Variants in NALF1 observed in about 807,000 individuals in gnomAD.
The protein encoded by NALF1 is NALCN channel auxiliary factor 1.
A neutral mutation model predicts 48.4 loss-of-function variants in NALF1; 3 were observed. The ratio of observed to expected loss-of-function variants is 0.06; its 90% CI spans 0.03 to 0.16. NALF1 has a LOEUF of 0.16. Ranked by LOEUF, NALF1 falls within the 10% of genes least tolerant of loss-of-function variation. The probability of loss-of-function intolerance (pLI) is 1.00; values close to 1 mark genes in which losing one functional copy is unlikely to be tolerated. For synonymous variants in NALF1, 262 were observed against 245.7 expected, an observed-to-expected ratio of 1.07 and a Z score of -0.62; for missense variants, 526 against 571.5, an observed-to-expected ratio of 0.92 and a Z score of 0.81.
At chr13:107,614,625 C>A (rs1431729865) in intron 1 of NALF1, among the ~76,000 whole-genome samples, 1 of 152,118 alleles carries the variant, frequency 6.6e-6, no homozygotes, top group African/African-American at 2.4e-5. Flanking sequence ...AACAAATATA[C>A]CAACTATTCT....
chr13:107,775,054 ATTCT>A (rs1877685495), intron 1 of NALF1, among the ~76,000 whole-genome samples: 2 of 152,180 alleles, frequency 1.3e-5, no homozygotes, highest in African/African-American at 4.8e-5. Flanking sequence ...TATTTCATGT[ATTCT>A]TTATTTTTAA....
chr13:107,290,687 A>C (rs1881603314), intron 1 of NALF1, among the ~76,000 whole-genome samples: 1 of 152,200 alleles, frequency 6.6e-6, no homozygotes, highest in South Asian at 2.1e-4. Context: ...AAAACAGACT[A>C]ATGTGTGAAA....
At chr13:107,831,008 G>A (rs759563803) in intron 1 of NALF1, among the ~76,000 whole-genome samples, 2 of 152,270 alleles carry the variant, frequency 1.3e-5, no homozygotes, top group Middle Eastern at 3.4e-3. Context: ...CTGGCTGTGC[G>A]GATTAAAGGA....
At chr13:107,197,833 T>TA (rs1879425887) in intron 2 of NALF1, among the ~76,000 whole-genome samples, 1 of 152,242 alleles carries the variant, frequency 6.6e-6, no homozygotes, top group African/African-American at 2.4e-5. Context: ...TTATATCCTT[T>TA]AAAATGTTAT....
intron 1 of NALF1, among the ~76,000 whole-genome samples, chr13:107,429,024 T>A (rs928821535): frequency 1.3e-5 from 2 of 152,146 alleles, no homozygotes; most frequent in African/African-American, 4.8e-5. Context: ...ATTCACATCT[T>A]TAAAAGAAAA....
intron 1 of NALF1, among the ~76,000 whole-genome samples, chr13:107,343,602 T>C (rs1242466199): frequency 1.3e-5 from 2 of 152,162 alleles, no homozygotes; most frequent in African/African-American, 4.8e-5. Flanking sequence ...ACCTCTATCT[T>C]TTGTAAATTG....
At chr13:107,222,165 C>A (rs1277296587) in intron 1 of NALF1, among the ~76,000 whole-genome samples, 3 of 152,172 alleles carry the variant, frequency 2.0e-5, no homozygotes, top group Non-Finnish European at 4.4e-5. Context: ...CTGGAAAAAA[C>A]AATCGCCTAT....
intron 1 of NALF1, among the ~76,000 whole-genome samples, chr13:107,720,185 T>C (rs541620977): frequency 4.4e-4 from 67 of 152,314 alleles, no homozygotes; most frequent in African/African-American, 1.5e-3. Flanking sequence ...TTAATCTCCT[T>C]AAAGACAATA....
chr13:107,586,954 A>T (rs1437917372), intron 1 of NALF1, among the ~76,000 whole-genome samples: 1 of 152,096 alleles, frequency 6.6e-6, no homozygotes, highest in East Asian at 1.9e-4. Flanking sequence ...AGAGCCATGC[A>T]TTAGTAGATT....
chr13:107,842,155 C>G (rs1483270891), intron 1 of NALF1, among the ~76,000 whole-genome samples: 4 of 151,750 alleles, frequency 2.6e-5, no homozygotes, highest in Non-Finnish European at 5.9e-5. Context: ...CTTTAAAATA[C>G]CTGATATATC....
intron 1 of NALF1, among the ~76,000 whole-genome samples, chr13:107,444,398 T>C (rs1167598786): frequency 2.0e-5 from 3 of 152,178 alleles, no homozygotes; most frequent in Non-Finnish European, 4.4e-5. Context: ...ATCAGGAGAT[T>C]GTATGAGCTT....
chr13:107,743,567 C>T (rs1411333664), intron 1 of NALF1, among the ~76,000 whole-genome samples: 4 of 152,202 alleles, frequency 2.6e-5, no homozygotes, highest in Admixed American at 2.6e-4. Context: ...CAGAAACATG[C>T]ATTATATACA....
At chr13:107,614,394 C>G (rs542417307) in intron 1 of NALF1, among the ~76,000 whole-genome samples, 6 of 152,290 alleles carry the variant, frequency 3.9e-5, no homozygotes, top group African/African-American at 1.4e-4. Flanking sequence ...ACTATGAAGA[C>G]AGAAGACACA....
At chr13:107,478,668 G>A (rs886902642) in intron 1 of NALF1, among the ~76,000 whole-genome samples, 1 of 152,066 alleles carries the variant, frequency 6.6e-6, no homozygotes, top group Non-Finnish European at 1.5e-5. Flanking sequence ...TTTCCATTCT[G>A]TGTTTAAACC....
chr13:107,819,061 G>A (rs1046301322), intron 1 of NALF1, among the ~76,000 whole-genome samples: 1 of 152,092 alleles, frequency 6.6e-6, no homozygotes, highest in African/African-American at 2.4e-5. Context: ...AGCTCTTACA[G>A]ATGCATACTC....
At chr13:107,587,992 G>A (rs1878505597) in intron 1 of NALF1, among the ~76,000 whole-genome samples, 1 of 152,112 alleles carries the variant, frequency 6.6e-6, no homozygotes, top group South Asian at 2.1e-4. Flanking sequence ...GCCAGCTTAT[G>A]AATATTCTCT....
chr13:107,234,083 T>G (rs1880286822), intron 1 of NALF1, among the ~76,000 whole-genome samples: 1 of 152,184 alleles, frequency 6.6e-6, no homozygotes, highest in Non-Finnish European at 1.5e-5. Flanking sequence ...TATCCAGAGT[T>G]TCGAATGAGA....
At chr13:107,504,230 TAC>T (rs1017032991) in intron 1 of NALF1, among the ~76,000 whole-genome samples, 1 of 133,196 alleles carries the variant, frequency 7.5e-6, no homozygotes, top group African/African-American at 2.8e-5. Context: ...CAGCCTGGAC[TAC>T]AGAGTGAGGC....
intron 1 of NALF1, among the ~76,000 whole-genome samples, chr13:107,295,270 T>C (rs996186267): frequency 6.6e-6 from 1 of 152,226 alleles, no homozygotes; most frequent in Non-Finnish European, 1.5e-5. Flanking sequence ...ATTAATTCAC[T>C]TAAGATAATG....
Sources: allele counts gnomAD v4.1 joint callset (sites outside exome capture counted in the v4.1 genomes callset), GRCh38; gene constraint gnomAD v4.1.1; transcripts MANE v1.5; gene names NCBI Gene and HGNC (gene_info 2026-07-23, HGNC 2026-07-21).